The following SIPA1L1 variants were observed in gnomAD, a reference collection of about 807,000 sequenced individuals.
SIPA1L1 encodes the protein signal-induced proliferation-associated 1-like protein 1.
Under a neutral mutation model 162.7 loss-of-function variants are expected in SIPA1L1, and 26 were observed. The ratio of observed to expected loss-of-function variants is 0.16; its 90% confidence interval spans 0.12 to 0.22. The LOEUF is 0.22. SIPA1L1 is among the 10% of genes least tolerant of loss of function. The pLI is 1.00. For missense variants in SIPA1L1, 1,874 were observed against 2,241.0 expected, an observed-to-expected ratio of 0.84 and a Z score of 3.31; for synonymous variants, 829 against 837.4, an observed-to-expected ratio of 0.99 and a Z score of 0.17.
chr14:71,486,084 T>C (rs2048735388), intron 2 of SIPA1L1, among the ~76,000 whole-genome samples: 1 of 152,204 alleles, frequency 6.6e-6, no homozygotes, highest in Admixed American at 6.5e-5. Flanking sequence ...AAAAAGATGT[T>C]TCATAATCAT....
At position 71,542,373 on chromosome 14, in the gene SIPA1L1, G is replaced by GCTGCTGCTGCTGCTGCTTCTTC. The variant is rs1322529414; in HGVS notation, c.-303+13017_-303+13018insGCTTCTTCCTGCTGCTGCTGCT. On this transcript the variant is annotated intron_variant, in intron 4 of 23. Coordinates refer to ENST00000381232, the MANE Select transcript of SIPA1L1 (RefSeq NM_001386936.1). ...TTTCCTCTTTCTTCTTCTTCCTGCT[G>GCTGCTGCTGCTGCTGCTTCTTC]CTGCTGCTGCTGCTTCTTCCTGCTG... is the stretch of plus-strand genomic sequence containing the variant. 8.0e-4 allele frequency among the ~76,000 whole-genome samples: 107 copies of GCTGCTGCTGCTGCTGCTTCTTC among 133,164 alleles called. 3 individuals are homozygous for GCTGCTGCTGCTGCTGCTTCTTC. The East Asian group carries it at 0.021, about 26-fold the overall frequency. The allele number at this position is 133,164 out of a possible 152,430, so 87.4% of individuals were successfully genotyped here. A position where few individuals can be genotyped will look rare whatever the true frequency, so the allele number is the denominator to read the frequency against.
At chr14:71,414,798 C>G (rs2042641491) in intron 2 of SIPA1L1, among the ~76,000 whole-genome samples, 1 of 152,194 alleles carries the variant, frequency 6.6e-6, no homozygotes, top group African/African-American at 2.4e-5. Context: ...ATGATCTACC[C>G]TTTGACTGAC....
chr14:71,580,889 A>T (rs1467460567), intron 4 of SIPA1L1, among the ~76,000 whole-genome samples: 1 of 152,232 alleles, frequency 6.6e-6, no homozygotes, highest in Non-Finnish European at 1.5e-5. Flanking sequence ...AAAAATATAA[A>T]TAAAAAAACA....
intron 19 of SIPA1L1, among the ~76,000 whole-genome samples, chr14:71,727,338 G>A (rs1203971689): frequency 6.6e-6 from 1 of 151,994 alleles, no homozygotes; most frequent in Non-Finnish European, 1.5e-5. Flanking sequence ...AGACTGGCAT[G>A]AAACAAAACG....
chr14:71,547,093 C>G (rs2055287571), intron 4 of SIPA1L1, among the ~76,000 whole-genome samples: 1 of 151,660 alleles, frequency 6.6e-6, no homozygotes, highest in Non-Finnish European at 1.5e-5. Flanking sequence ...AAAGAGCTCC[C>G]CTAATAGCTC....
rs1029730674 is a variant in SIPA1L1 at position 71,390,811 on chromosome 14, C to A, written c.-465+69630C>A. The stretch of plus-strand genomic sequence containing the variant: ...AAAAAACAAAAGCAAAAACAAAAAC[C>A]CCACCATTCAGGAATCTGCTTGCGT... On this transcript the variant is annotated intron_variant, in intron 2 of 23. Transcript: ENST00000381232. Among the ~76,000 whole-genome samples, 43 of 151,918 alleles carry A rather than the reference C, an allele frequency of 2.8e-4. 2 individuals carry two copies. Among genetic ancestry groups the A allele is most frequent in the Non-Finnish European group, 4.4e-4 (30 of 67,962 alleles).
chr14:71,465,695 T>G (rs2046940841), intron 2 of SIPA1L1, among the ~76,000 whole-genome samples: 1 of 152,176 alleles, frequency 6.6e-6, no homozygotes, highest in Non-Finnish European at 1.5e-5. Flanking sequence ...GAACCACTCT[T>G]GGTACCAAAA....
intron 2 of SIPA1L1, among the ~76,000 whole-genome samples, chr14:71,387,913 G>T (rs117304096): frequency 1.4e-3 from 210 of 152,306 alleles, no homozygotes; most frequent in Non-Finnish European, 2.5e-3. Flanking sequence ...AATTTGTTAT[G>T]CTAAAGATGA....
chr14:71,476,118 C>G (rs2047828572), intron 2 of SIPA1L1, among the ~76,000 whole-genome samples: 1 of 152,164 alleles, frequency 6.6e-6, no homozygotes, highest in African/African-American at 2.4e-5. Flanking sequence ...GTTTCTGTGA[C>G]CTTTTCCTTT....
chr14:71,571,450 C>G (rs1002365088), intron 4 of SIPA1L1, among the ~76,000 whole-genome samples: 2 of 151,912 alleles, frequency 1.3e-5, no homozygotes, highest in Non-Finnish European at 2.9e-5. Flanking sequence ...AAGACTACTC[C>G]AGTATTAAAC....
intron 5 of SIPA1L1, among the ~76,000 whole-genome samples, chr14:71,603,158 T>A (rs1257060287): frequency 1.3e-5 from 2 of 152,228 alleles, no homozygotes; most frequent in Non-Finnish European, 2.9e-5. Flanking sequence ...TAAGTCTACC[T>A]ATTCCTGCTC....
chr14:71,734,635 T>C (rs1030318823), intron 21 of SIPA1L1, among the ~76,000 whole-genome samples: 9 of 152,198 alleles, frequency 5.9e-5, no homozygotes, highest in Admixed American at 2.6e-4. Flanking sequence ...CGGGCAACCA[T>C]GGAATGGTCA....
Position 71,375,755 on chromosome 14 carries a change from G to A in SIPA1L1, c.-465+54574G>A, listed in dbSNP as rs1595091608. 2.0e-5 allele frequency among the ~76,000 whole-genome samples: 3 copies of A among 152,212 alleles called. No homozygotes were observed. The South Asian group carries it at 6.2e-4, about 32-fold the overall frequency. ...TGATAAAGTTCTTTACTCTTCTAGT[G>A]TGTGGAGAATTTTTATCATGAATGT... On this transcript the variant is annotated intron_variant, in intron 2 of 23. Transcript: ENST00000381232.
intron 2 of SIPA1L1, among the ~76,000 whole-genome samples, chr14:71,435,581 G>A (rs2044314467): frequency 6.6e-6 from 1 of 152,146 alleles, no homozygotes; most frequent in South Asian, 2.1e-4. Flanking sequence ...ATCATTGATG[G>A]ACATTTGGGT....
At chr14:71,466,158 T>G (rs928441367) in intron 2 of SIPA1L1, among the ~76,000 whole-genome samples, 6 of 152,120 alleles carry the variant, frequency 3.9e-5, no homozygotes, top group African/African-American at 1.4e-4. Context: ...TCCAAGTCAG[T>G]GTACTTTAGG....
chr14:71,375,971 T>G (rs1009150693), intron 2 of SIPA1L1, among the ~76,000 whole-genome samples: 1 of 152,142 alleles, frequency 6.6e-6, no homozygotes, highest in African/African-American at 2.4e-5. Context: ...TTGCTAAAAT[T>G]TTGTTAAAGA....
chr14:71,583,186 T>C (rs1165629715), intron 4 of SIPA1L1, among the ~76,000 whole-genome samples: 2 of 152,252 alleles, frequency 1.3e-5, no homozygotes, highest in Admixed American at 1.3e-4. Flanking sequence ...AGCCTGGGTA[T>C]TACCATGTTA....
At chr14:71,517,028 A>G (rs986774783) in intron 3 of SIPA1L1, among the ~76,000 whole-genome samples, 4 of 152,158 alleles carry the variant, frequency 2.6e-5, no homozygotes, top group African/African-American at 7.2e-5. Flanking sequence ...CACAGTGTGA[A>G]TGGTGCTTTC....
chr14:71,638,334 G>A (rs1245245628), intron 7 of SIPA1L1, among the ~76,000 whole-genome samples: 4 of 152,024 alleles, frequency 2.6e-5, no homozygotes, highest in Admixed American at 2.6e-4. Flanking sequence ...AAAAAATTTT[G>A]TAGACCATGA....
Sources: allele counts gnomAD v4.1 joint callset (sites outside exome capture counted in the v4.1 genomes callset), GRCh38; gene constraint gnomAD v4.1.1; transcripts MANE v1.5; gene names NCBI Gene and HGNC (gene_info 2026-07-23, HGNC 2026-07-21).